Variants in SPTY2D1 observed in about 807,000 individuals in gnomAD.
SPTY2D1 encodes the protein protein SPT2 homolog.
SPTY2D1 carries 21 observed loss-of-function variants against 64.0 expected under a neutral mutation model. That is an observed-to-expected ratio of 0.33 (90% CI 0.23 to 0.47). SPTY2D1 has a LOEUF of 0.47. SPTY2D1 is among the 20% of genes least tolerant of loss of function. SPTY2D1 has a pLI of 1.00. For synonymous variants in SPTY2D1, 287 were observed against 286.8 expected, an observed-to-expected ratio of 1.00 and a Z score of -0.01; for missense variants, 724 against 837.2, an observed-to-expected ratio of 0.86 and a Z score of 1.67.
In SPTY2D1 at chr11:18,606,666, C is replaced by G. The variant is rs1430628480; in HGVS notation, c.*3195G>C. 2 of 398,008 alleles carry G rather than the reference C, an allele frequency of 5.0e-6. No individual in the cohort carries two copies. Among genetic ancestry groups the G allele is most frequent in the Admixed American group, 7.8e-5 (2 of 25,672 alleles). 24.7% of individuals were successfully genotyped at this position (398,008 alleles called of 1,614,324 possible). The stretch of plus-strand genomic sequence containing the variant: ...ATCCACTCAGAAAATAAATAGTAGT[C>G]TAATATATTCAATACATTGAAAATA... On this transcript the variant is annotated 3_prime_UTR_variant, in exon 6 of 6. Coordinates refer to ENST00000336349, the MANE Select transcript of SPTY2D1 (RefSeq NM_194285.3).
chr11:18,624,380 T>C (rs1854464137), intron 1 of SPTY2D1, among the ~76,000 whole-genome samples: 2 of 152,218 alleles, frequency 1.3e-5, no homozygotes, highest in African/African-American at 4.8e-5. Flanking sequence ...GCTGCTTCAT[T>C]GTTTGAGCTT....
chr11:18,614,736 C>G lies in SPTY2D1; in HGVS notation c.1538G>C (p.Arg513Thr). 1 of 1,613,886 alleles carries G rather than the reference C, an allele frequency of 6.2e-7. No individual in the cohort carries two copies. Among genetic ancestry groups the G allele is most frequent in the Non-Finnish European group, 8.5e-7 (1 of 1,179,754 alleles). ...GRTVSNSVPG[R>T]PVSSLGPGQT... is the part of the protein sequence containing the mutation. ...CCCAGGTCCCAAGCTGCTCACTGGTCTTCCTGGGACTGAATTACTGACAGT... is the reference window on the plus strand; with the variant it reads ...CCCAGGTCCCAAGCTGCTCACTGGTGTTCCTGGGACTGAATTACTGACAGT... The change falls in exon 3 of 6, where the codon AGA (arginine) becomes ACA (threonine). Residue 513 changes from arginine (R) to threonine (T), a missense_variant. Transcript: ENST00000336349.
intron 1 of SPTY2D1, among the ~76,000 whole-genome samples, chr11:18,621,832 AT>A (rs1206975982): frequency 1.3e-5 from 2 of 152,128 alleles, no homozygotes; most frequent in African/African-American, 4.8e-5. Flanking sequence ...CACACCTGTA[AT>A]TCCAGCACTT....
chr11:18,617,955 A>ATAAG (rs374251066), intron 1 of SPTY2D1, among the ~76,000 whole-genome samples: 3,228 of 152,206 alleles, frequency 0.021, 43 homozygotes, highest in African/African-American at 0.04. Context: ...CCATCAATCT[A>ATAAG]TAAGTAAGTA....
rs1854228432 is a variant in SPTY2D1 at position 18,612,823 on chromosome 11, G to A, written c.1712-335C>T. On this transcript the variant is annotated intron_variant, in intron 3 of 5. Transcript: ENST00000336349. This position sits in a 1 kb window ranked among gnomAD's most constrained non-coding sequence, Gnocchi z 4.6. ...CTTGTTGCCTAGGCTGGAGTGCAAT[G>A]GTGCGATCTCGGCTCACTGCAACCT... Among the ~76,000 whole-genome samples, 1 of 150,922 alleles carries A rather than the reference G, an allele frequency of 6.6e-6. No homozygotes were observed. The highest frequency in any genetic ancestry group is 1.5e-5 in the Non-Finnish European group (1 of 67,844).
At chr11:18,625,066 C>G (rs1237626379) in intron 1 of SPTY2D1, among the ~76,000 whole-genome samples, 2 of 152,206 alleles carry the variant, frequency 1.3e-5, no homozygotes, top group Non-Finnish European at 2.9e-5. Flanking sequence ...ATTGTTTCGA[C>G]TGTAGAAAAT....
At position 18,610,687 on chromosome 11, in the gene SPTY2D1, AAC is replaced by A. The variant is rs531401533; in HGVS notation, c.1965-735_1965-734del. On this transcript the variant is annotated intron_variant, in intron 5 of 5. Transcript: ENST00000336349. ...TCTCTTAAAAAAAAAAAAAAAAAAA[AAC>A]AACAATACTATAAACAAAGTAATTA... Among the ~76,000 whole-genome samples the A allele has an allele frequency of 3.2e-3, 470 of 145,498 alleles. 5 individuals are homozygous for A. Among genetic ancestry groups the A allele is most frequent in the African/African-American group, 9.8e-3 (397 of 40,424 alleles).
At position 18,606,444 on chromosome 11, in the gene SPTY2D1, A is replaced by T. The variant is rs2134104949; in HGVS notation, c.*3417T>A. On this transcript the variant is annotated 3_prime_UTR_variant, in exon 6 of 6. Transcript: ENST00000336349. ...AATGCCTACAATTTCTTGTATACAT[A>T]AATTGCAAAACTTTCACCTGTATAT... The T allele has an allele frequency of 6.0e-6, 1 of 166,566 alleles. No homozygotes were observed. The highest frequency in any genetic ancestry group is 1.9e-4 in the East Asian group (1 of 5,290). The allele number at this position is 166,566 out of a possible 1,614,324, so 10.3% of individuals were successfully genotyped here.
At chr11:18,625,478 C>T (rs1477739102) in intron 1 of SPTY2D1, among the ~76,000 whole-genome samples, 15 of 152,090 alleles carry the variant, frequency 9.9e-5, no homozygotes, top group Admixed American at 9.2e-4. Context: ...GGCAATCACA[C>T]GGTTTATAGC....
intron 1 of SPTY2D1, among the ~76,000 whole-genome samples, chr11:18,621,323 CAGAAAAGAAAAGAAAAGAAAAGAAA>C (rs55880127): frequency 5.7e-4 from 78 of 137,618 alleles, no homozygotes; most frequent in Non-Finnish European, 1.0e-3. Context: ...TCTCAAAAAA[CAGAAAAGAAAAGAAAAGAAAAGAAA>C]AGAAAAGAAA....
At chr11:18,611,280 T>TA (rs763670389) in intron 5 of SPTY2D1, among the ~76,000 whole-genome samples, 197 bp downstream of exon 5, 3 of 152,056 alleles carry the variant, frequency 2.0e-5, no homozygotes, top group Non-Finnish European at 4.4e-5. Flanking sequence ...CCATCTCTGT[T>TA]AAAAAACAAA....
chr11:18,623,847 T>C (rs1854455630), intron 1 of SPTY2D1, among the ~76,000 whole-genome samples: 1 of 152,246 alleles, frequency 6.6e-6, no homozygotes, highest in Non-Finnish European at 1.5e-5. Context: ...TTAGCATGTT[T>C]TCAAAGTTCA....
Position 18,617,875 on chromosome 11 carries a change from G to T in SPTY2D1, c.61-886C>A, listed in dbSNP as rs145566939. Among the ~76,000 whole-genome samples, 342 of 152,294 alleles carry T rather than the reference G, an allele frequency of 2.2e-3. 1 individual carries two copies. Among genetic ancestry groups the T allele is most frequent in the African/African-American group, 7.8e-3 (326 of 41,566 alleles). ...GAGAATGGCTTGAACCCAGGAGGCAGAGGTTGCAGTGAGCCGAGATTGCGC... is the reference window on the plus strand; with the variant it reads ...GAGAATGGCTTGAACCCAGGAGGCATAGGTTGCAGTGAGCCGAGATTGCGC... On this transcript the variant is annotated intron_variant, in intron 1 of 5. Transcript: ENST00000336349.
chr11:18,632,538 G>A (rs558555171), intron 1 of SPTY2D1, among the ~76,000 whole-genome samples: 13 of 152,090 alleles, frequency 8.5e-5, no homozygotes, highest in African/African-American at 3.1e-4. Context: ...TAGTAGAGAT[G>A]GGGTTTCATC....
At position 18,606,494 on chromosome 11, in the gene SPTY2D1, C is replaced by A; in HGVS notation, c.*3367G>T. 1 of 192,032 alleles carries A rather than the reference C, an allele frequency of 5.2e-6. No individual in the cohort carries two copies. The highest frequency in any genetic ancestry group is 8.0e-5 in the South Asian group (1 of 12,564). 11.9% of individuals were successfully genotyped at this position (192,032 alleles called of 1,614,324 possible). On this transcript the variant is annotated 3_prime_UTR_variant, in exon 6 of 6. Transcript: ENST00000336349. The stretch of plus-strand genomic sequence containing the variant: ...TGCAAAAGTATATTCTCTTGCAGGT[C>A]AACAGCACCAGAAAACAAGCTAAGC...
Position 18,614,778 on chromosome 11 carries a change from G to A in SPTY2D1, c.1496C>T (p.Ser499Leu), listed in dbSNP as rs763760198. The A allele has an allele frequency of 1.2e-6, 2 of 1,612,828 alleles. No homozygotes were observed. The highest frequency in any genetic ancestry group is 2.2e-5 in the East Asian group (1 of 44,850). ...VSGPGRSISGSIPAGRTVSNS... is the reference protein window; with the variant it reads ...VSGPGRSISGLIPAGRTVSNS... ...ACTGACAGTCCGTCCAGCTGGAATTGAGCCACTTATGGATCTCCCAGGGCC... is the reference window on the plus strand; with the variant it reads ...ACTGACAGTCCGTCCAGCTGGAATTAAGCCACTTATGGATCTCCCAGGGCC... Residue 499 changes from serine (S) to leucine (L), a missense_variant, in exon 3 of 6, where the codon TCA becomes TTA. Coordinates refer to ENST00000336349, the MANE Select transcript of SPTY2D1 (RefSeq NM_194285.3).
At chr11:18,619,633 T>C (rs1344168756) in intron 1 of SPTY2D1, among the ~76,000 whole-genome samples, 1 of 152,114 alleles carries the variant, frequency 6.6e-6, no homozygotes, top group Non-Finnish European at 1.5e-5. Flanking sequence ...GGTGCCTGCC[T>C]GTAAGCCCAG....
In SPTY2D1 at chr11:18,614,907, G is replaced by A; in HGVS notation, c.1367C>T (p.Ala456Val). 6.2e-7 allele frequency: 1 copy of A among 1,613,424 alleles called. No individual in the cohort carries two copies. Among genetic ancestry groups the A allele is most frequent in the African/African-American group, 1.3e-5 (1 of 75,010 alleles). Residue 456 changes from alanine (A) to valine (V), a missense_variant, in exon 3 of 6, where the codon GCA (alanine) becomes GTA (valine). Ala to Val is a moderately conservative substitution (Grantham distance 64). Coordinates refer to ENST00000336349, the MANE Select transcript of SPTY2D1 (RefSeq NM_194285.3). ...GRPISGSVSSARPLGSSRGPG... is the reference protein window; with the variant it reads ...GRPISGSVSSVRPLGSSRGPG... ...GCCACGAGAGCTGCCCAAGGGTCTT[G>A]CAGAACTAACTGAACCACTGATGGG...
intron 1 of SPTY2D1, among the ~76,000 whole-genome samples, chr11:18,619,546 C>CAGG (rs1157833600): frequency 6.6e-6 from 1 of 151,510 alleles, no homozygotes; most frequent in Non-Finnish European, 1.5e-5. Context: ...ATCACAAGGT[C>CAGG]AGGAGATCGA....
Sources: gnomAD v4.1 joint callset for allele counts (sites outside exome capture counted in the v4.1 genomes callset) on GRCh38, gnomAD v4.1.1 for gene constraint, Gnocchi (gnomAD v3.1) non-coding constraint, MANE v1.5 for transcripts, NCBI Gene and HGNC (gene_info 2026-07-23, HGNC 2026-07-21) for gene names.